The following EPHX2 variants were observed in gnomAD, a reference collection of about 807,000 sequenced individuals.
EPHX2 encodes bifunctional epoxide hydrolase 2.
EPHX2 carries 74 observed loss-of-function variants against 78.7 expected under a neutral mutation model. The ratio of observed to expected loss-of-function variants is 0.94; its 90% CI spans 0.78 to 1.14. EPHX2 has a LOEUF of 1.14. Among genes scored for constraint, EPHX2 ranks in the 50% most tolerant of loss-of-function variants. The pLI is 0.00. For synonymous variants in EPHX2, 251 were observed against 255.2 expected (o/e 0.98, Z 0.16); for missense variants, 715 against 702.5 (o/e 1.02, Z -0.20).
intron 2 of EPHX2, among the ~76,000 whole-genome samples, chr8:27,501,211 A>G (rs1563339950): frequency 6.6e-6 from 1 of 152,216 alleles, no homozygotes; most frequent in South Asian, 2.1e-4. Context: ...GTGAACGAAA[A>G]CTGTGATGAA....
chr8:27,544,258 G>T lies in EPHX2; in HGVS notation c.1589+14G>T. 6.2e-7 allele frequency: 1 copy of T among 1,613,904 alleles called. No homozygotes were observed. Among genetic ancestry groups the T allele is most frequent in the Non-Finnish European group, 8.5e-7 (1 of 1,179,782 alleles). On this transcript the variant is annotated intron_variant, in intron 18 of 18. Coordinates refer to ENST00000521400, the MANE Select transcript of EPHX2 (RefSeq NM_001979.6). ...ACAGATGGACAAGTAAGGAGGTTGG[G>T]GGCTCCTGGGGTCGGGGAGAGCAGG...
intron 8 of EPHX2, among the ~76,000 whole-genome samples, chr8:27,516,917 C>CTTTTTT (rs145423911): frequency 2.3e-4 from 33 of 144,190 alleles, no homozygotes; most frequent in Non-Finnish European, 3.0e-4. Context: ...AATTTCCTTC[C>CTTTTTT]TATTTTTTTT....
intron 13 of EPHX2, among the ~76,000 whole-genome samples, chr8:27,537,508 C>T (rs1270777455): frequency 6.6e-6 from 1 of 152,178 alleles, no homozygotes; most frequent in Non-Finnish European, 1.5e-5. Flanking sequence ...GTGAGTCAGC[C>T]TCGGGTCTAA....
At chr8:27,512,787 G>T (rs1814300763) in intron 6 of EPHX2, among the ~76,000 whole-genome samples, 1 of 152,162 alleles carries the variant, frequency 6.6e-6, no homozygotes, top group South Asian at 2.1e-4. Context: ...TTGCAGCCTT[G>T]GACAAGCATC....
rs1462788046 is a variant in EPHX2, at chr8:27,505,525, A to G, written c.537+379A>G. On this transcript the variant is annotated intron_variant, in intron 4 of 18. Coordinates refer to ENST00000521400, the MANE Select transcript of EPHX2 (RefSeq NM_001979.6). ...AGTGAGGACAGGCTCCGGTATTGCC[A>G]TGCTCTCCCACCAGACACCCTGTGC... Among the ~76,000 whole-genome samples, 3 of 152,308 alleles carry G rather than the reference A, an allele frequency of 2.0e-5. No individual in the cohort carries two copies. In the East Asian group the frequency reaches 5.8e-4, roughly 29 times the overall value.
intron 15 of EPHX2, 42 bp downstream of exon 15, chr8:27,540,698 G>A (rs779266893): frequency 1.4e-5 from 22 of 1,574,512 alleles, no homozygotes; most frequent in Middle Eastern, 1.7e-4. Flanking sequence ...AGAGATGATC[G>A]ACAGATAGGG....
In EPHX2 at chr8:27,532,298, T is replaced by A. The variant is rs377595472; in HGVS notation, c.1171-4486T>A. Among the ~76,000 whole-genome samples, 28 of 152,276 alleles carry A rather than the reference T, an allele frequency of 1.8e-4. 1 individual carries two copies. The East Asian group carries it at 2.1e-3, about 12-fold the overall frequency. ...GAAATGGGAGGAAAATAACAGAAGA[T>A]AACATTTGTCCTCTGCTTATGTGCT... On this transcript the variant is annotated intron_variant, in intron 12 of 18. Coordinates refer to ENST00000521400, the MANE Select transcript of EPHX2 (RefSeq NM_001979.6).
rs1330106390 is a variant in EPHX2, at chr8:27,540,543, T to C, written c.1277-11T>C. 6.2e-7 allele frequency: 1 copy of C among 1,611,826 alleles called. No homozygotes were observed. The highest frequency in any genetic ancestry group is 1.7e-5 in the Admixed American group (1 of 59,982). On this transcript the variant is annotated splice_polypyrimidine_tract_variant and intron_variant, in intron 14 of 18. Transcript: ENST00000521400. ...GGGGATGGGAAAGTCAACAAGTGGCTTTTTTTGCAGGAGGACTTTTTGTAA... is the reference window on the plus strand; with the variant it reads ...GGGGATGGGAAAGTCAACAAGTGGCCTTTTTTGCAGGAGGACTTTTTGTAA...
Position 27,544,745 on chromosome 8 carries a change from G to C in EPHX2, c.*223G>C. 1.7e-6 allele frequency: 1 copy of C among 574,542 alleles called. No individual in the cohort carries two copies. Among genetic ancestry groups the C allele is most frequent in the Non-Finnish European group, 3.1e-6 (1 of 323,592 alleles). 35.6% of individuals were successfully genotyped at this position (574,542 alleles called of 1,614,324 possible). On this transcript the variant is annotated 3_prime_UTR_variant, in exon 19 of 19. Transcript: ENST00000521400. ...TGTGATTAGTTCTCCAGGCATGAAT[G>C]CATCGTCCCTTTATCTGTAAGAACC...
At chr8:27,521,185 A>G (rs930193548) in intron 10 of EPHX2, among the ~76,000 whole-genome samples, 1 of 152,230 alleles carries the variant, frequency 6.6e-6, no homozygotes, top group Non-Finnish European at 1.5e-5. Flanking sequence ...TTGAGTATCC[A>G]TTAGAGAAGT....
intron 1 of EPHX2, chr8:27,492,739 G>A (rs6995058): frequency 0.012 from 1,981 of 167,388 alleles, 36 homozygotes; most frequent in African/African-American, 0.045. Flanking sequence ...AATCCTCCCC[G>A]TGATTGGCTA....
intron 12 of EPHX2, among the ~76,000 whole-genome samples, chr8:27,527,441 T>C (rs1448540576): frequency 6.6e-6 from 1 of 152,224 alleles, no homozygotes; most frequent in African/African-American, 2.4e-5. Flanking sequence ...TGCAGTTCTG[T>C]GGCATTAACC....
rs142945100 is a variant in EPHX2, at chr8:27,510,010, G to C, written c.661-1826G>C. Among the ~76,000 whole-genome samples the C allele has an allele frequency of 3.1e-3, 473 of 152,264 alleles. 2 individuals are homozygous for C. The highest frequency in any genetic ancestry group is 0.011 in the African/African-American group (456 of 41,560). ...GGCCTTGGCTCCCGCCCGACCATGG[G>C]CTCATGGCCATCAGGAGACAGCAGC... On this transcript the variant is annotated intron_variant, in intron 5 of 18. Transcript: ENST00000521400.
intron 12 of EPHX2, among the ~76,000 whole-genome samples, chr8:27,526,771 A>G (rs1814859757): frequency 6.6e-6 from 1 of 151,834 alleles, no homozygotes; most frequent in Non-Finnish European, 1.5e-5. Flanking sequence ...TTTTTTTGAG[A>G]CAGGATCTCA....
intron 13 of EPHX2, among the ~76,000 whole-genome samples, chr8:27,537,321 T>A (rs1256880191): frequency 6.6e-6 from 1 of 152,256 alleles, no homozygotes; most frequent in Non-Finnish European, 1.5e-5. Context: ...CTCATTTGCA[T>A]TGAGTTCAGT....
chr8:27,511,737 A>G, intron 5 of EPHX2, 99 bp from the exon 6 acceptor site: 1 of 1,246,758 alleles, frequency 8.0e-7, no homozygotes, highest in South Asian at 1.2e-5. Flanking sequence ...GGAGTGGAAA[A>G]GGTGATTTCC....
intron 15 of EPHX2, 34 bp from the exon 16 acceptor site, chr8:27,541,439 G>A: frequency 6.2e-7 from 1 of 1,609,684 alleles, no homozygotes; most frequent in Non-Finnish European, 8.5e-7. Flanking sequence ...TCTACTTACT[G>A]CCTCCCTCTT....
At chr8:27,538,821 T>C in intron 14 of EPHX2, 129 bp downstream of exon 14, 1 of 1,041,370 alleles carries the variant, frequency 9.6e-7, no homozygotes, top group East Asian at 2.5e-5. Flanking sequence ...CCAACCAGGG[T>C]CCCCTCGGCA....
chr8:27,531,677 G>A (rs1815046501), intron 12 of EPHX2, among the ~76,000 whole-genome samples: 2 of 152,230 alleles, frequency 1.3e-5, no homozygotes, highest in Admixed American at 1.3e-4. Flanking sequence ...GGAGGGCTGA[G>A]TGGGGGCTTC....
Sources: allele counts gnomAD v4.1 joint callset (sites outside exome capture counted in the v4.1 genomes callset), GRCh38; gene constraint gnomAD v4.1.1; transcripts MANE v1.5; gene names NCBI Gene and HGNC (gene_info 2026-07-23, HGNC 2026-07-21).